Variants in AGXT2 observed in about 807,000 individuals in gnomAD.
AGXT2 encodes alanine--glyoxylate aminotransferase 2, also known as alanine--glyoxylate aminotransferase 2, mitochondrial.
In AGXT2, 61 loss-of-function variants were observed where a neutral mutation model predicts 62.5. The observed-to-expected ratio is 0.98, with a 90% CI of 0.79 to 1.21. The LOEUF (loss-of-function observed/expected upper bound fraction) is 1.21. Ranked by LOEUF, AGXT2 falls within the 50% of genes most tolerant of loss-of-function variation. AGXT2 has a pLI of 0.00. For missense variants in AGXT2, 666 were observed against 641.5 expected, an observed-to-expected ratio of 1.04 and a Z score of -0.41; for synonymous variants, 243 against 218.7, an observed-to-expected ratio of 1.11 and a Z score of -0.98.
intron 13 of AGXT2, among the ~76,000 whole-genome samples, chr5:35,002,283 G>T (rs2112161464): frequency 6.6e-6 from 1 of 152,270 alleles, no homozygotes; most frequent in East Asian, 1.9e-4. Flanking sequence ...AGAACTTTAA[G>T]TCTGTTTTGT....
chr5:35,046,569 A>T (rs1240956684), intron 1 of AGXT2, among the ~76,000 whole-genome samples: 1 of 152,152 alleles, frequency 6.6e-6, no homozygotes, highest in Non-Finnish European at 1.5e-5. Context: ...TTGTCTCCTC[A>T]TTTGTGGAAT....
At position 34,998,442 on chromosome 5, in the gene AGXT2, C is replaced by A; in HGVS notation, c.*277G>T. The A allele has an allele frequency of 4.1e-6, 2 of 485,016 alleles. No homozygotes were observed. Among genetic ancestry groups the A allele is most frequent in the Non-Finnish European group, 7.4e-6 (2 of 268,792 alleles). 30.0% of individuals were successfully genotyped at this position (485,016 alleles called of 1,614,324 possible). A position where few individuals can be genotyped will look rare whatever the true frequency, so the allele number is the denominator to read the frequency against. On this transcript the variant is annotated 3_prime_UTR_variant, in exon 14 of 14. Transcript: ENST00000231420. Reference sequence around the variant, plus strand: ...ATCACATATTCATGCATAAACCAATCACTGCAAAGGGGAATCAAATTACCA... The same window carrying A: ...ATCACATATTCATGCATAAACCAATAACTGCAAAGGGGAATCAAATTACCA...
rs750574050 is a variant in AGXT2, at chr5:35,033,452, A to C, written c.675+8T>G. 1.2e-6 allele frequency: 2 copies of C among 1,603,134 alleles called. No individual in the cohort carries two copies. Among genetic ancestry groups the C allele is most frequent in the Admixed American group, 3.3e-5 (2 of 59,998 alleles). On this transcript the variant is annotated splice_region_variant and intron_variant, in intron 6 of 13. Transcript: ENST00000231420. ...TTAAAGAAACAAGAGAAAAATCTCC[A>C]AACTCACTGGTTGGCAACCTGTCCC...
chr5:35,043,604 C>T lies in AGXT2; in HGVS notation c.89-2941G>A, dbSNP rs572938992. Among the ~76,000 whole-genome samples the T allele has an allele frequency of 4.6e-5, 7 of 152,282 alleles. No individual in the cohort carries two copies. In the South Asian group the frequency reaches 6.2e-4, roughly 14 times the overall value. On this transcript the variant is annotated intron_variant, in intron 1 of 13. Coordinates refer to ENST00000231420, the MANE Select transcript of AGXT2 (RefSeq NM_031900.4). ...CTGGAGTACAGTGGTGTGAGCATGG[C>T]TTACTGTAGCCTCGGCCTCCCAGGC... is the stretch of plus-strand genomic sequence containing the variant.
rs543889814 is a variant in AGXT2 at position 35,013,720 on chromosome 5, G to T, written c.1096+267C>A. Reference sequence around the variant, plus strand: ...TTGCTTGCACCTGCGGAGGCAGAGGGTGCAATGAGCCAAGATTGTGCCACT... The same window carrying T: ...TTGCTTGCACCTGCGGAGGCAGAGGTTGCAATGAGCCAAGATTGTGCCACT... On this transcript the variant is annotated intron_variant, in intron 10 of 13. Coordinates refer to ENST00000231420, the MANE Select transcript of AGXT2 (RefSeq NM_031900.4). Among the ~76,000 whole-genome samples the T allele has an allele frequency of 2.0e-5, 3 of 151,312 alleles. No homozygotes were observed. The East Asian group carries it at 5.9e-4, about 30-fold the overall frequency.
intron 10 of AGXT2, among the ~76,000 whole-genome samples, chr5:35,013,363 A>G (rs1019796987): frequency 1.3e-5 from 2 of 152,214 alleles, no homozygotes; most frequent in Non-Finnish European, 2.9e-5. Context: ...GAGACACCAG[A>G]GCCCTCTCCC....
At chr5:35,041,525 C>T (rs1432283792) in intron 1 of AGXT2, among the ~76,000 whole-genome samples, 3 of 152,106 alleles carry the variant, frequency 2.0e-5, no homozygotes, top group African/African-American at 7.2e-5. Context: ...TTTGGCCCCC[C>T]TGCAGCAGTG....
chr5:35,015,176 G>A (rs1459028034), intron 9 of AGXT2, among the ~76,000 whole-genome samples: 3 of 152,116 alleles, frequency 2.0e-5, no homozygotes, highest in African/African-American at 7.2e-5. Flanking sequence ...TCCCTCTCAA[G>A]GTACTCTGGG....
At chr5:34,999,073 T>G (rs1354697544) in intron 13 of AGXT2, among the ~76,000 whole-genome samples, 1 of 152,174 alleles carries the variant, frequency 6.6e-6, no homozygotes, top group Non-Finnish European at 1.5e-5. Flanking sequence ...CTGGTCATTC[T>G]ACACCTTCAC....
chr5:35,020,252 CG>C (rs1274235102), intron 9 of AGXT2, among the ~76,000 whole-genome samples: 3 of 152,082 alleles, frequency 2.0e-5, no homozygotes, highest in Non-Finnish European at 2.9e-5. Flanking sequence ...ATACCAAAGC[CG>C]GGCAGAGACA....
rs775704074 is a variant in AGXT2, at chr5:35,047,887, A to T, written c.6T>A (p.Thr2=). Residue 2 remains threonine (T), a synonymous_variant, in exon 1 of 14, where the codon ACT becomes ACA. Transcript: ENST00000231420. M[T]LIWRHLLRPL... ...GTCTCAGCAAATGTCTCCAGATTAGAGTCATTTCTCCCACTCAGAAAGCCA... is the reference window on the plus strand; with the variant it reads ...GTCTCAGCAAATGTCTCCAGATTAGTGTCATTTCTCCCACTCAGAAAGCCA... The T allele has an allele frequency of 1.2e-6, 2 of 1,613,900 alleles. No homozygotes were observed. Among genetic ancestry groups the T allele is most frequent in the African/African-American group, 1.3e-5 (1 of 74,880 alleles).
intron 4 of AGXT2, among the ~76,000 whole-genome samples, chr5:35,036,338 T>C (rs2112275039): frequency 6.6e-6 from 1 of 152,306 alleles, no homozygotes; most frequent in African/African-American, 2.4e-5. Context: ...CTGAGCATTG[T>C]TCTAGGTTCT....
intron 11 of AGXT2, among the ~76,000 whole-genome samples, chr5:35,010,720 AG>A (rs1442218921): frequency 6.6e-6 from 1 of 152,162 alleles, no homozygotes; most frequent in African/African-American, 2.4e-5. Context: ...GAAAGAATAA[AG>A]GTGTGTCTCA....
chr5:35,010,743 A>C (rs947208463), intron 11 of AGXT2, among the ~76,000 whole-genome samples: 2 of 152,190 alleles, frequency 1.3e-5, no homozygotes, highest in African/African-American at 4.8e-5. Context: ...TGCAGTTGAA[A>C]ATGTAGATTC....
intron 10 of AGXT2, among the ~76,000 whole-genome samples, chr5:35,013,544 G>A (rs1042322258): frequency 6.6e-6 from 1 of 152,050 alleles, no homozygotes; most frequent in Non-Finnish European, 1.5e-5. Context: ...CCATCACTTT[G>A]GGAGGCCAAG....
chr5:35,032,207 C>A (rs1446015615), intron 7 of AGXT2, among the ~76,000 whole-genome samples: 1 of 151,998 alleles, frequency 6.6e-6, no homozygotes. Flanking sequence ...CCGCCTCAAC[C>A]TCCCAAAGTG....
chr5:35,011,688 C>T (rs1213701611), intron 11 of AGXT2, among the ~76,000 whole-genome samples: 1 of 151,892 alleles, frequency 6.6e-6, no homozygotes, highest in Non-Finnish European at 1.5e-5. Context: ...TAAATTAGTA[C>T]AACCTCTATG....
intron 5 of AGXT2, 71 bp from the exon 6 acceptor site, chr5:35,033,624 C>A (rs1400565707): frequency 2.5e-6 from 3 of 1,206,062 alleles, no homozygotes; most frequent in Admixed American, 3.5e-5. Context: ...AGAGAAAACC[C>A]AGGAAGGCTA....
intron 7 of AGXT2, among the ~76,000 whole-genome samples, chr5:35,028,330 A>G (rs1767436549): frequency 6.6e-6 from 1 of 152,124 alleles, no homozygotes; most frequent in African/African-American, 2.4e-5. Context: ...CAGTTTTCTT[A>G]GCACTAACCA....
Sources: gnomAD v4.1 joint callset for allele counts (sites outside exome capture counted in the v4.1 genomes callset) on GRCh38, gnomAD v4.1.1 for gene constraint, MANE v1.5 for transcripts, NCBI Gene and HGNC (gene_info 2026-07-23, HGNC 2026-07-21) for gene names.